KDM4C: variants seen among roughly 807,000 people sequenced by gnomAD.
KDM4C encodes the protein lysine-specific demethylase 4C.
Under a neutral mutation model 129.3 loss-of-function variants are expected in KDM4C, and 81 were observed. The observed-to-expected ratio is 0.63, with a 90% CI of 0.52 to 0.75. The LOEUF is 0.75. KDM4C is among the 30% of genes least tolerant of loss of function. The pLI, the probability that KDM4C is intolerant of heterozygous loss-of-function variation, is 0.00. For synonymous variants in KDM4C, 573 were observed against 456.1 expected, an observed-to-expected ratio of 1.26 and a Z score of -3.26; for missense variants, 1,457 against 1,304.0, an observed-to-expected ratio of 1.12 and a Z score of -1.81.
At chr9:6,776,891 C>T (rs1020617892) in intron 1 of KDM4C, among the ~76,000 whole-genome samples, 19 of 152,274 alleles carry the variant, frequency 1.2e-4, no homozygotes, top group Non-Finnish European at 2.8e-4. Flanking sequence ...CGTGAGCCCG[C>T]GTGCTGGGCC....
At position 7,175,376 on chromosome 9, in the gene KDM4C, T is replaced by C. The variant is rs1845347838; in HGVS notation, c.*647T>C. On this transcript the variant is annotated 3_prime_UTR_variant, in exon 22 of 22. Coordinates refer to ENST00000381309, the MANE Select transcript of KDM4C (RefSeq NM_015061.6). ...GCCTTTGTGAAATGAAATTTTTGGC[T>C]CTTGAGAAAGAATTCTTATGAATTG... The C allele has an allele frequency of 6.6e-6, 1 of 152,662 alleles. No individual in the cohort carries two copies. The highest frequency in any genetic ancestry group is 2.4e-5 in the African/African-American group (1 of 41,454). 9.5% of individuals were successfully genotyped at this position (152,662 alleles called of 1,614,324 possible).
chr9:6,909,741 G>A (rs1457562305), intron 8 of KDM4C, among the ~76,000 whole-genome samples: 1 of 152,106 alleles, frequency 6.6e-6, no homozygotes, highest in Non-Finnish European at 1.5e-5. Context: ...ATATTTGACA[G>A]CAAAAGAGGG....
chr9:6,956,865 G>T (rs369009950), intron 8 of KDM4C, among the ~76,000 whole-genome samples: 1 of 152,114 alleles, frequency 6.6e-6, no homozygotes, highest in Non-Finnish European at 1.5e-5. Context: ...TTTGGCTTCA[G>T]AGCTCAGCTG....
intron 8 of KDM4C, among the ~76,000 whole-genome samples, chr9:6,947,482 C>G (rs1034942524): frequency 2.6e-5 from 4 of 151,802 alleles, no homozygotes; most frequent in Admixed American, 2.0e-4. Flanking sequence ...TTCTTATTGT[C>G]TTTATTCAGC....
At chr9:7,103,545 C>T in intron 17 of KDM4C, 140 bp from the exon 18 acceptor site, 1 of 650,134 alleles carries the variant, frequency 1.5e-6, no homozygotes, top group Non-Finnish European at 2.6e-6. Context: ...CACTAGGGCC[C>T]CTGGAGGGGT....
At chr9:7,171,248 G>C (rs1844931155) in intron 21 of KDM4C, among the ~76,000 whole-genome samples, 1 of 151,878 alleles carries the variant, frequency 6.6e-6, no homozygotes. Flanking sequence ...CCACACACCT[G>C]TAAATAGAGT....
At chr9:6,882,758 A>G (rs1179903666) in intron 6 of KDM4C, among the ~76,000 whole-genome samples, 5 of 149,332 alleles carry the variant, frequency 3.3e-5, no homozygotes, top group Admixed American at 6.7e-5. Flanking sequence ...AGTTTAGTTC[A>G]TGCTTTTAAG....
At chr9:6,861,623 A>G (rs1840936277) in intron 5 of KDM4C, among the ~76,000 whole-genome samples, 1 of 152,230 alleles carries the variant, frequency 6.6e-6, no homozygotes. Flanking sequence ...CAAACTTAAT[A>G]TAGCCAATTG....
chr9:6,904,865 A>G (rs947658822), intron 8 of KDM4C, among the ~76,000 whole-genome samples: 1 of 152,172 alleles, frequency 6.6e-6, no homozygotes, highest in Admixed American at 6.6e-5. Context: ...TTTTGTGGCA[A>G]TGGGAAATTA....
At chr9:6,943,633 C>T (rs571053403) in intron 8 of KDM4C, among the ~76,000 whole-genome samples, 8 of 152,038 alleles carry the variant, frequency 5.3e-5, no homozygotes, top group South Asian at 4.2e-4. Flanking sequence ...CATAATTGCC[C>T]CACTGCACTC....
intron 17 of KDM4C, among the ~76,000 whole-genome samples, chr9:7,064,993 A>T (rs541071612): frequency 6.6e-6 from 1 of 152,202 alleles, no homozygotes; most frequent in Non-Finnish European, 1.5e-5. Flanking sequence ...ATAAATTGAA[A>T]ACAAACACAA....
intron 15 of KDM4C, among the ~76,000 whole-genome samples, chr9:7,025,400 TTG>T (rs1825645451): frequency 6.6e-6 from 1 of 152,212 alleles, no homozygotes; most frequent in African/African-American, 2.4e-5. Context: ...ATTGTATTGT[TTG>T]TCTTTTGCTT....
intron 8 of KDM4C, among the ~76,000 whole-genome samples, chr9:6,952,431 A>ATATATATATATAT (rs71506090): frequency 4.3e-5 from 6 of 138,382 alleles, no homozygotes; most frequent in Admixed American, 1.4e-4. Flanking sequence ...ATATATATAT[A>ATATATATATATAT]ATAATAATTA....
Position 7,009,768 on chromosome 9 carries a change from G to A in KDM4C, c.1787-1930G>A, listed in dbSNP as rs183492357. On this transcript the variant is annotated intron_variant, in intron 12 of 21. Coordinates refer to ENST00000381309, the MANE Select transcript of KDM4C (RefSeq NM_015061.6). ...GTTCACAGATCATATTTTGAGAACT[G>A]TGGTTATCTTTCAATTCCACTTGAC... 6.6e-5 allele frequency among the ~76,000 whole-genome samples: 10 copies of A among 152,306 alleles called. No homozygotes were observed. The East Asian group carries it at 1.9e-3, about 29-fold the overall frequency.
At chr9:6,734,290 T>G (rs1428523194) in intron 1 of KDM4C, among the ~76,000 whole-genome samples, 3 of 138,452 alleles carry the variant, frequency 2.2e-5, no homozygotes, top group Non-Finnish European at 3.1e-5. Context: ...CATGTTTGGT[T>G]TTTTTTTTTT....
chr9:6,955,666 C>G (rs772390272), intron 8 of KDM4C, among the ~76,000 whole-genome samples: 2 of 152,146 alleles, frequency 1.3e-5, no homozygotes, highest in Admixed American at 6.6e-5. Context: ...CAGCTTTTCC[C>G]TTTCTTCTTA....
chr9:6,733,477 G>C (rs1404542401), intron 1 of KDM4C, among the ~76,000 whole-genome samples: 1 of 152,224 alleles, frequency 6.6e-6, no homozygotes, highest in Non-Finnish European at 1.5e-5. Flanking sequence ...TGAGAGATCA[G>C]ACTCTGGACC....
intron 19 of KDM4C, among the ~76,000 whole-genome samples, chr9:7,158,043 G>C (rs953467619): frequency 1.3e-5 from 2 of 152,076 alleles, no homozygotes; most frequent in African/African-American, 4.8e-5. Context: ...GCCTGTTATT[G>C]GTCTATTCAG....
intron 2 of KDM4C, among the ~76,000 whole-genome samples, chr9:6,796,949 C>G (rs1347182414): frequency 6.6e-6 from 1 of 151,700 alleles, no homozygotes; most frequent in Non-Finnish European, 1.5e-5. Flanking sequence ...GGGGCTAGTC[C>G]TGGGGAACCG....
Sources: allele counts gnomAD v4.1 joint callset (sites outside exome capture counted in the v4.1 genomes callset), GRCh38; gene constraint gnomAD v4.1.1; transcripts MANE v1.5; gene names NCBI Gene and HGNC (gene_info 2026-07-23, HGNC 2026-07-21).